ANKRD16: variants seen among roughly 807,000 people sequenced by gnomAD.
The protein encoded by ANKRD16 is ankyrin repeat domain-containing protein 16.
ANKRD16 carries 35 observed loss-of-function variants against 37.9 expected under a neutral mutation model. The ratio of observed to expected loss-of-function variants is 0.92; its 90% CI spans 0.71 to 1.23. The LOEUF (loss-of-function observed/expected upper bound fraction) is 1.23, where lower values mean the gene tolerates loss of function less well. ANKRD16 is among the 50% of genes most tolerant of loss of function. ANKRD16 has a pLI of 0.00. For synonymous variants in ANKRD16, 206 were observed against 197.2 expected (o/e 1.04, Z -0.37); for missense variants, 480 against 469.9 (o/e 1.02, Z -0.20).
rs773258731 is a variant in ANKRD16, at chr10:5,889,232, C to T, written c.123G>A (p.Leu41=). 3.9e-6 allele frequency: 6 copies of T among 1,554,400 alleles called. No individual in the cohort carries two copies. The highest frequency in any genetic ancestry group is 3.4e-6 in the Non-Finnish European group (4 of 1,159,746). ...GCPGPAGDTL[L]HCAARHGHRD... ...GATGCCCGTGGCGCGCGGCGCAGTG[C>T]AGGAGGGTATCCCCGGCCGGCCCCG... Residue 41 remains leucine (L), a synonymous_variant, in exon 1 of 8, where the codon CTG becomes CTA. Coordinates refer to ENST00000380094, the MANE Select transcript of ANKRD16 (RefSeq NM_019046.3).
At position 5,863,001 on chromosome 10, in the gene ANKRD16, C is replaced by T. The variant is rs925302655; in HGVS notation, c.*34-310G>A. Among the ~76,000 whole-genome samples the T allele has an allele frequency of 6.6e-6, 1 of 152,156 alleles. No individual in the cohort carries two copies. ...CATCTTAGTGAATTCTGACTTTCCACCTACTGTCCCGGAGCAGCTGACTGT... is the reference window on the plus strand; with the variant it reads ...CATCTTAGTGAATTCTGACTTTCCATCTACTGTCCCGGAGCAGCTGACTGT... On this transcript the variant is annotated intron_variant, in intron 7 of 7. Transcript: ENST00000380094. This position sits in a 1 kb window ranked among gnomAD's most constrained non-coding sequence, Gnocchi z 4.7.
chr10:5,862,466 A>C lies in ANKRD16; in HGVS notation c.*259T>G. ...CTTCCAGTCAATGGTTGGTGATGTC[A>C]TCAGCAACCATTTTTGGAGACAGAC... On this transcript the variant is annotated 3_prime_UTR_variant, in exon 8 of 8. Transcript: ENST00000380094. The surrounding 1 kb of genome is among the most constrained non-coding windows in gnomAD (Gnocchi z 6.5). The C allele has an allele frequency of 1.9e-6, 1 of 515,068 alleles. No homozygotes were observed. Among genetic ancestry groups the C allele is most frequent in the South Asian group, 1.7e-5 (1 of 58,940 alleles). 31.9% of individuals were successfully genotyped at this position (515,068 alleles called of 1,614,324 possible). A position where few individuals can be genotyped will look rare whatever the true frequency, so the allele number is the denominator to read the frequency against.
Position 5,865,388 on chromosome 10 carries a change from G to A in ANKRD16, c.*34-2697C>T, listed in dbSNP as rs1841998906. 6.6e-6 allele frequency among the ~76,000 whole-genome samples: 1 copy of A among 152,176 alleles called. No homozygotes were observed. Among genetic ancestry groups the A allele is most frequent in the South Asian group, 2.1e-4 (1 of 4,826 alleles). On this transcript the variant is annotated intron_variant, in intron 7 of 7. Coordinates refer to ENST00000380094, the MANE Select transcript of ANKRD16 (RefSeq NM_019046.3). This position sits in a 1 kb window ranked among gnomAD's most constrained non-coding sequence, Gnocchi z 4.7. Reference sequence around the variant, plus strand: ...AGGACCGAGGGTGCCCAGGGCAAGCGCCAGCTCATGTCATCACCCTCACTG... The same window carrying A: ...AGGACCGAGGGTGCCCAGGGCAAGCACCAGCTCATGTCATCACCCTCACTG...
Position 5,887,987 on chromosome 10 carries a change from AGGAG to A in ANKRD16, c.391_394del (p.Leu131Ter). ...ACTGTTCCAGCCATCTTTGTTCTTC[AGGAG>A]TGGATTGGCGCCATGTTCCACCAGC... On this transcript the variant is annotated frameshift_variant, in exon 2 of 8. Transcript: ENST00000380094. LOFTEE classifies it high-confidence loss of function. 6.2e-7 allele frequency: 1 copy of A among 1,614,170 alleles called. No individual in the cohort carries two copies. Among genetic ancestry groups the A allele is most frequent in the African/African-American group, 1.3e-5 (1 of 75,040 alleles).
rs1191137507 is a variant in ANKRD16 at position 5,868,264 on chromosome 10, C to T, written c.*34-5573G>A. Among the ~76,000 whole-genome samples, 1 of 152,210 alleles carries T rather than the reference C, an allele frequency of 6.6e-6. No individual in the cohort carries two copies. Among genetic ancestry groups the T allele is most frequent in the Non-Finnish European group, 1.5e-5 (1 of 68,046 alleles). On this transcript the variant is annotated intron_variant, in intron 7 of 7. Coordinates refer to ENST00000380094, the MANE Select transcript of ANKRD16 (RefSeq NM_019046.3). The surrounding 1 kb of genome is among the most constrained non-coding windows in gnomAD (Gnocchi z 4.9). ...GAGGACCCCTGGACCAAACTGCTGGCCCTTTGACTGGCCTAAAGAGTTCCC... is the reference window on the plus strand; with the variant it reads ...GAGGACCCCTGGACCAAACTGCTGGTCCTTTGACTGGCCTAAAGAGTTCCC...
rs187469424 is a variant in ANKRD16 at position 5,885,913 on chromosome 10, A to G, written c.536-148T>C. ...ATTGGGTACACTGTTACCGCCCTAC[A>G]CGAATAAATATTTAACTGGATAAAG... On this transcript the variant is annotated intron_variant, in intron 2 of 7. Coordinates refer to ENST00000380094, the MANE Select transcript of ANKRD16 (RefSeq NM_019046.3). 4.7e-5 allele frequency: 33 copies of G among 706,628 alleles called. 2 individuals are homozygous for G. In the Admixed American group the frequency reaches 8.7e-4, roughly 19 times the overall value. The allele number at this position is 706,628 out of a possible 1,614,324, so 43.8% of individuals were successfully genotyped here. A position where few individuals can be genotyped will look rare whatever the true frequency, so the allele number is the denominator to read the frequency against.
chr10:5,882,699 G>A (rs1218678328), intron 5 of ANKRD16: 2 of 194,190 alleles, frequency 1.0e-5, no homozygotes, highest in African/African-American at 4.7e-5. Flanking sequence ...CAGAGAGCCA[G>A]GAATTTCATA....
chr10:5,867,430 A>G (rs145868791), intron 7 of ANKRD16, among the ~76,000 whole-genome samples: 3,982 of 152,342 alleles, frequency 0.026, 160 homozygotes, highest in African/African-American at 0.09. Flanking sequence ...CCTGCGAGCT[A>G]TTGGCACTCA....
intron 2 of ANKRD16, among the ~76,000 whole-genome samples, chr10:5,886,919 T>A (rs1029852792): frequency 2.0e-5 from 3 of 152,202 alleles, no homozygotes; most frequent in Non-Finnish European, 4.4e-5. Context: ...ACATTAGATG[T>A]TATTGGGCCA....
chr10:5,888,606 C>T (rs1275793690), intron 1 of ANKRD16, among the ~76,000 whole-genome samples: 2 of 152,236 alleles, frequency 1.3e-5, no homozygotes, highest in Non-Finnish European at 2.9e-5. Flanking sequence ...GCACTGTGCT[C>T]TACACACACG....
chr10:5,862,813 A>T lies in ANKRD16; in HGVS notation c.*34-122T>A. The T allele has an allele frequency of 1.9e-6, 1 of 534,012 alleles. No individual in the cohort carries two copies. The highest frequency in any genetic ancestry group is 2.0e-5 in the African/African-American group (1 of 50,934). The allele number at this position is 534,012 out of a possible 1,614,324, so 33.1% of individuals were successfully genotyped here. A position where few individuals can be genotyped will look rare whatever the true frequency, so the allele number is the denominator to read the frequency against. On this transcript the variant is annotated intron_variant, in intron 7 of 7. Transcript: ENST00000380094. The surrounding 1 kb of genome is among the most constrained non-coding windows in gnomAD (Gnocchi z 6.5). ...GCTGCTGGCTACAGGGCCTGGCTCT[A>T]CATGCTGCACAGTCAGAGAGGGAGA...
At position 5,868,517 on chromosome 10, in the gene ANKRD16, A is replaced by G. The variant is rs1221290679; in HGVS notation, c.*34-5826T>C. 1.3e-5 allele frequency among the ~76,000 whole-genome samples: 2 copies of G among 152,178 alleles called. No individual in the cohort carries two copies. The highest frequency in any genetic ancestry group is 6.5e-5 in the Admixed American group (1 of 15,278). ...AATCAGCACTCTATAAAAATGCACC[A>G]ATCAGCGCTCTGTGTCTAGCTAAAG... On this transcript the variant is annotated intron_variant, in intron 7 of 7. Coordinates refer to ENST00000380094, the MANE Select transcript of ANKRD16 (RefSeq NM_019046.3). The surrounding 1 kb of genome is among the most constrained non-coding windows in gnomAD (Gnocchi z 4.9).
rs771633213 is a variant in ANKRD16 at position 5,887,837 on chromosome 10, T to C, written c.535+10A>G. ...TGTGTACTGCTCACCTGCAGAGCTGTAGGCTGTACCTGCAGTATGCAGAGG... is the reference window on the plus strand; with the variant it reads ...TGTGTACTGCTCACCTGCAGAGCTGCAGGCTGTACCTGCAGTATGCAGAGG... On this transcript the variant is annotated intron_variant, in intron 2 of 7. Transcript: ENST00000380094. 110 of 1,608,994 alleles carry C rather than the reference T, an allele frequency of 6.8e-5. No individual in the cohort carries two copies. Among genetic ancestry groups the C allele is most frequent in the Non-Finnish European group, 9.1e-5 (107 of 1,177,160 alleles).
chr10:5,888,168 A>ATGAAT, intron 1 of ANKRD16, 101 bp from the exon 2 acceptor site: 2 of 1,116,732 alleles, frequency 1.8e-6, no homozygotes, highest in Non-Finnish European at 1.3e-6. Flanking sequence ...CAGATGGAAA[A>ATGAAT]CCTAGAGGAT....
At chr10:5,877,542 G>GT (rs1180143584) in intron 7 of ANKRD16, among the ~76,000 whole-genome samples, 1 of 152,196 alleles carries the variant, frequency 6.6e-6, no homozygotes, top group Non-Finnish European at 1.5e-5. Context: ...ATATATAAAA[G>GT]TTTTTATTAA....
Position 5,866,916 on chromosome 10 carries a change from G to A in ANKRD16, c.*34-4225C>T, listed in dbSNP as rs556326265. Among the ~76,000 whole-genome samples the A allele has an allele frequency of 2.6e-5, 4 of 151,872 alleles. No homozygotes were observed. In the South Asian group the frequency reaches 8.3e-4, roughly 32 times the overall value. On this transcript the variant is annotated intron_variant, in intron 7 of 7. Coordinates refer to ENST00000380094, the MANE Select transcript of ANKRD16 (RefSeq NM_019046.3). This position sits in a 1 kb window ranked among gnomAD's most constrained non-coding sequence, Gnocchi z 4.3. Reference sequence around the variant, plus strand: ...CAGACAAAGAAGAGTCAGAGAGAGAGAAACAGAAAGTCAAAGAAAGAGAGG... The same window carrying A: ...CAGACAAAGAAGAGTCAGAGAGAGAAAAACAGAAAGTCAAAGAAAGAGAGG...
At position 5,866,566 on chromosome 10, in the gene ANKRD16, A is replaced by AAT. The variant is rs1306046197; in HGVS notation, c.*34-3877_*34-3876dup. Among the ~76,000 whole-genome samples, 2 of 152,256 alleles carry AAT rather than the reference A, an allele frequency of 1.3e-5. No homozygotes were observed. Among genetic ancestry groups the AAT allele is most frequent in the Admixed American group, 6.5e-5 (1 of 15,280 alleles). The stretch of plus-strand genomic sequence containing the variant: ...ATCTAATCCTACATGCCCATGCTGC[A>AAT]ATATGGAAAGAAAGGGGGTTCCTAA... On this transcript the variant is annotated intron_variant, in intron 7 of 7. Transcript: ENST00000380094. This position sits in a 1 kb window ranked among gnomAD's most constrained non-coding sequence, Gnocchi z 4.3.
Position 5,864,497 on chromosome 10 carries a change from C to G in ANKRD16, c.*34-1806G>C, listed in dbSNP as rs754919939. Among the ~76,000 whole-genome samples the G allele has an allele frequency of 1.3e-5, 2 of 152,106 alleles. No individual in the cohort carries two copies. Among genetic ancestry groups the G allele is most frequent in the Non-Finnish European group, 2.9e-5 (2 of 68,034 alleles). On this transcript the variant is annotated intron_variant, in intron 7 of 7. Coordinates refer to ENST00000380094, the MANE Select transcript of ANKRD16 (RefSeq NM_019046.3). The surrounding 1 kb of genome is among the most constrained non-coding windows in gnomAD (Gnocchi z 4.4). The stretch of plus-strand genomic sequence containing the variant: ...TATATCCTGATAGGTATATAGATGT[C>G]CCACAGGGTCCAGGGCAAACCTTCA...
chr10:5,883,875 A>C, intron 4 of ANKRD16, 94 bp downstream of exon 4: 2 of 1,094,498 alleles, frequency 1.8e-6, no homozygotes, highest in Admixed American at 4.5e-5. Context: ...TGGGGAATGG[A>C]ACCTGGGATC....
Sources: allele counts gnomAD v4.1 joint callset (sites outside exome capture counted in the v4.1 genomes callset), GRCh38; gene constraint gnomAD v4.1.1; non-coding constraint Gnocchi (gnomAD v3.1); transcripts MANE v1.5; gene names NCBI Gene and HGNC (gene_info 2026-07-23, HGNC 2026-07-21).